The following SLC39A11 variants were observed in gnomAD, a reference collection of about 807,000 sequenced individuals.
The protein encoded by SLC39A11 is zinc transporter ZIP11.
SLC39A11 carries 33 observed loss-of-function variants against 36.1 expected under a neutral mutation model. The observed-to-expected ratio is 0.91, with a 90% CI of 0.69 to 1.22. The LOEUF (loss-of-function observed/expected upper bound fraction) is 1.22. SLC39A11 is among the 50% of genes most tolerant of loss of function. The pLI is 0.00. For missense variants in SLC39A11, 432 were observed against 430.3 expected (o/e 1.00, Z -0.03); for synonymous variants, 166 against 170.3 (o/e 0.97, Z 0.20).
chr17:72,752,175 T>A (rs1359534919), intron 6 of SLC39A11, among the ~76,000 whole-genome samples: 3 of 152,168 alleles, frequency 2.0e-5, no homozygotes, highest in Non-Finnish European at 2.9e-5. Context: ...AAATTTTGAT[T>A]TTTCTCTGTG....
At chr17:72,837,250 C>A (rs1367251083) in intron 6 of SLC39A11, among the ~76,000 whole-genome samples, 1 of 151,918 alleles carries the variant, frequency 6.6e-6, no homozygotes, top group African/African-American at 2.4e-5. Flanking sequence ...GCAACTGCCA[C>A]CTCGTTGGAA....
At chr17:72,655,838 T>C (rs1385731212) in intron 7 of SLC39A11, among the ~76,000 whole-genome samples, 1 of 152,098 alleles carries the variant, frequency 6.6e-6, no homozygotes, top group Non-Finnish European at 1.5e-5. Context: ...GTGGCAGGGA[T>C]AGTCTCTCAG....
chr17:72,775,013 C>G (rs1390474701), intron 6 of SLC39A11, among the ~76,000 whole-genome samples: 1 of 151,880 alleles, frequency 6.6e-6, no homozygotes, highest in African/African-American at 2.4e-5. Context: ...AAAAAATAAG[C>G]TCGTGGCACC....
chr17:72,765,886 C>T (rs753145987), intron 6 of SLC39A11, among the ~76,000 whole-genome samples: 9 of 152,152 alleles, frequency 5.9e-5, no homozygotes, highest in Non-Finnish European at 1.0e-4. Flanking sequence ...TTTTCAACAA[C>T]CTCAAGGGCC....
At chr17:72,864,893 C>G (rs927332820) in intron 5 of SLC39A11, among the ~76,000 whole-genome samples, 1 of 152,092 alleles carries the variant, frequency 6.6e-6, no homozygotes, top group South Asian at 2.1e-4. Context: ...GTTCCCTGGC[C>G]GAGCCCAGAA....
At chr17:72,846,379 G>C (rs1043126361) in intron 6 of SLC39A11, among the ~76,000 whole-genome samples, 4 of 152,166 alleles carry the variant, frequency 2.6e-5, no homozygotes, top group Non-Finnish European at 5.9e-5. Context: ...AAGTGACAAA[G>C]GCTGAACTTA....
intron 6 of SLC39A11, among the ~76,000 whole-genome samples, chr17:72,768,918 G>A (rs1001296624): frequency 6.6e-6 from 1 of 151,862 alleles, no homozygotes; most frequent in African/African-American, 2.4e-5. Context: ...CCGCCACCAC[G>A]CTCGGCTAAT....
intron 6 of SLC39A11, among the ~76,000 whole-genome samples, chr17:72,849,279 T>C (rs1467103292): frequency 1.3e-5 from 2 of 152,168 alleles, no homozygotes; most frequent in Admixed American, 1.3e-4. Context: ...GGGTCAACTA[T>C]GTTTTCAAAT....
intron 6 of SLC39A11, among the ~76,000 whole-genome samples, chr17:72,831,292 G>A (rs541502522): frequency 6.6e-6 from 1 of 152,286 alleles, no homozygotes; most frequent in Admixed American, 6.5e-5. Context: ...ATGAGTACAA[G>A]GCTCTGCAGC....
At position 72,726,828 on chromosome 17, in the gene SLC39A11, T is replaced by C. The variant is rs541139595; in HGVS notation, c.671+9822A>G. 3.3e-5 allele frequency among the ~76,000 whole-genome samples: 5 copies of C among 152,284 alleles called. No homozygotes were observed. In the East Asian group the frequency reaches 9.6e-4, roughly 29 times the overall value. On this transcript the variant is annotated intron_variant, in intron 7 of 9. Transcript: ENST00000255559. ...GAGAGGCAAACATATATCTTAAAAT[T>C]GGTTTTGATGCCTCCATGTGTAATT...
intron 5 of SLC39A11, among the ~76,000 whole-genome samples, chr17:72,925,704 T>C (rs2466527): frequency 0.35 from 52,596 of 152,128 alleles, 9,813 homozygotes; most frequent in Admixed American, 0.45. Flanking sequence ...AGCAACAGAA[T>C]GTGAATGGAT....
chr17:72,729,813 G>A (rs2074141924), intron 7 of SLC39A11, among the ~76,000 whole-genome samples: 1 of 151,938 alleles, frequency 6.6e-6, no homozygotes, highest in Non-Finnish European at 1.5e-5. Flanking sequence ...GGAGCAAAAA[G>A]CTTGCCTGTC....
intron 5 of SLC39A11, among the ~76,000 whole-genome samples, chr17:72,881,641 A>G (rs1481659765): frequency 2.6e-5 from 4 of 152,198 alleles, no homozygotes; most frequent in African/African-American, 9.7e-5. Context: ...AGTAGTTCAT[A>G]GAGCTGGCAT....
intron 4 of SLC39A11, among the ~76,000 whole-genome samples, chr17:72,996,949 C>A (rs551940729): frequency 1.2e-3 from 188 of 152,178 alleles, no homozygotes; most frequent in Middle Eastern, 3.4e-3. Context: ...GAAAAACATG[C>A]CCTGGTCCAA....
rs567958607 is a variant in SLC39A11 at position 72,753,102 on chromosome 17, C to A, written c.602-16383G>T. Reference sequence around the variant, plus strand: ...CGAACTCCTGGACTCAAGTGACCCTCCAACCTCGGTCTCCCAAAGTGCTGG... The same window carrying A: ...CGAACTCCTGGACTCAAGTGACCCTACAACCTCGGTCTCCCAAAGTGCTGG... On this transcript the variant is annotated intron_variant, in intron 6 of 9. Coordinates refer to ENST00000255559, the MANE Select transcript of SLC39A11 (RefSeq NM_139177.4). Among the ~76,000 whole-genome samples the A allele has an allele frequency of 3.9e-5, 6 of 152,280 alleles. 1 individual carries two copies. In the South Asian group the frequency reaches 1.0e-3, roughly 26 times the overall value.
At chr17:73,021,884 C>G (rs1037149655) in intron 4 of SLC39A11, among the ~76,000 whole-genome samples, 2 of 152,222 alleles carry the variant, frequency 1.3e-5, no homozygotes, top group African/African-American at 2.4e-5. Context: ...ACTCTTAGAC[C>G]AAGAACAAGA....
intron 7 of SLC39A11, among the ~76,000 whole-genome samples, chr17:72,688,127 T>C (rs2100024300): frequency 6.6e-6 from 1 of 152,142 alleles, no homozygotes; most frequent in Non-Finnish European, 1.5e-5. Context: ...GGAAGACAAG[T>C]GTGCTTTGAT....
chr17:72,708,595 A>T (rs1177314602), intron 7 of SLC39A11, among the ~76,000 whole-genome samples: 1 of 152,134 alleles, frequency 6.6e-6, no homozygotes, highest in African/African-American at 2.4e-5. Flanking sequence ...AATATCGGGG[A>T]TGGTCTCAGG....
At chr17:72,712,327 C>T (rs1013250014) in intron 7 of SLC39A11, among the ~76,000 whole-genome samples, 1 of 152,242 alleles carries the variant, frequency 6.6e-6, no homozygotes, top group African/African-American at 2.4e-5. Context: ...ATAACACAGT[C>T]AACCTTGCTG....
Sources: allele counts gnomAD v4.1 joint callset (sites outside exome capture counted in the v4.1 genomes callset), GRCh38; gene constraint gnomAD v4.1.1; transcripts MANE v1.5; gene names NCBI Gene and HGNC (gene_info 2026-07-23, HGNC 2026-07-21).